The following ZNF385D variants were observed in gnomAD, a reference collection of about 807,000 sequenced individuals.
ZNF385D encodes zinc finger protein 659.
ZNF385D carries 15 observed loss-of-function variants against 35.8 expected under a neutral mutation model. The observed-to-expected ratio is 0.42, with a 90% CI of 0.28 to 0.64. The LOEUF is 0.64. ZNF385D is among the 30% of genes least tolerant of loss of function. The pLI is 0.23. For synonymous variants in ZNF385D, 212 were observed against 186.8 expected (o/e 1.13, Z -1.10); for missense variants, 474 against 494.6 (o/e 0.96, Z 0.39).
chr3:21,947,797 A>T (rs1290484919), intron 3 of ZNF385D, among the ~76,000 whole-genome samples: 1 of 151,998 alleles, frequency 6.6e-6, no homozygotes, highest in Non-Finnish European at 1.5e-5. Flanking sequence ...GGTTTCAATC[A>T]TTGGTGTTAT....
At chr3:21,712,878 G>A (rs2068167157) in intron 1 of ZNF385D, among the ~76,000 whole-genome samples, 2 of 152,134 alleles carry the variant, frequency 1.3e-5, no homozygotes, top group African/African-American at 4.8e-5. Context: ...TTTATCCCCT[G>A]AAATATTGCA....
intron 3 of ZNF385D, among the ~76,000 whole-genome samples, chr3:21,935,886 G>A (rs1460216728): frequency 6.6e-6 from 1 of 152,176 alleles, no homozygotes; most frequent in East Asian, 1.9e-4. Context: ...TTCACATCAT[G>A]TAAACAGAGT....
chr3:21,879,216 C>A (rs372885987), intron 3 of ZNF385D, among the ~76,000 whole-genome samples: 50 of 152,020 alleles, frequency 3.3e-4, no homozygotes, highest in African/African-American at 1.2e-3. Flanking sequence ...TTGTCATGTT[C>A]TTTAAGTACA....
intron 2 of ZNF385D, among the ~76,000 whole-genome samples, chr3:21,602,837 T>A (rs1489695882): frequency 6.6e-6 from 1 of 152,130 alleles, no homozygotes. Context: ...CCGGCCTCCC[T>A]GCATTTTCTA....
intron 3 of ZNF385D, among the ~76,000 whole-genome samples, chr3:22,093,152 A>G (rs1701418858): frequency 6.6e-6 from 1 of 152,070 alleles, no homozygotes; most frequent in South Asian, 2.1e-4. Context: ...GAGTTAGAAA[A>G]ACACCCTGAG....
chr3:21,844,724 A>C (rs1424758977), intron 3 of ZNF385D, among the ~76,000 whole-genome samples: 1 of 152,000 alleles, frequency 6.6e-6, no homozygotes, highest in African/African-American at 2.4e-5. Flanking sequence ...ACAATCAGCA[A>C]AATTGCACTG....
intron 3 of ZNF385D, among the ~76,000 whole-genome samples, chr3:22,069,193 T>C (rs1258879047): frequency 6.6e-6 from 1 of 152,206 alleles, no homozygotes. Flanking sequence ...TACTGGCTAC[T>C]CCCAGCTCCA....
At chr3:21,631,120 A>C (rs545190260) in intron 2 of ZNF385D, among the ~76,000 whole-genome samples, 2 of 152,228 alleles carry the variant, frequency 1.3e-5, no homozygotes, top group South Asian at 4.1e-4. Flanking sequence ...GTTGTGGGGA[A>C]CGTGAGGTAT....
chr3:22,098,607 T>C (rs1178166137), intron 3 of ZNF385D, among the ~76,000 whole-genome samples: 1 of 152,030 alleles, frequency 6.6e-6, no homozygotes, highest in Non-Finnish European at 1.5e-5. Context: ...TAGTCCACAT[T>C]TGAAGTTCCC....
At chr3:21,546,723 T>C (rs1026022964) in intron 3 of ZNF385D, among the ~76,000 whole-genome samples, 1 of 151,982 alleles carries the variant, frequency 6.6e-6, no homozygotes, top group African/African-American at 2.4e-5. Context: ...TCCTGTTTCA[T>C]GGATAAAGGC....
At chr3:21,809,637 C>A (rs1490870487) in intron 3 of ZNF385D, among the ~76,000 whole-genome samples, 1 of 135,876 alleles carries the variant, frequency 7.4e-6, no homozygotes, top group African/African-American at 2.6e-5. Context: ...CACATATATA[C>A]ACATATACAT....
At chr3:21,891,214 T>C (rs989539353) in intron 3 of ZNF385D, among the ~76,000 whole-genome samples, 7 of 152,132 alleles carry the variant, frequency 4.6e-5, no homozygotes, top group Non-Finnish European at 7.4e-5. Flanking sequence ...TATTTCGTTA[T>C]TGTTATTATT....
At chr3:21,963,586 A>G (rs1021429951) in intron 3 of ZNF385D, among the ~76,000 whole-genome samples, 5 of 152,172 alleles carry the variant, frequency 3.3e-5, no homozygotes, top group African/African-American at 1.2e-4. Context: ...TTGTAAGAAC[A>G]AGTTGTTTCA....
intron 1 of ZNF385D, among the ~76,000 whole-genome samples, chr3:21,708,311 C>T (rs779198057): frequency 5.9e-5 from 9 of 152,194 alleles, no homozygotes; most frequent in South Asian, 2.1e-4. Flanking sequence ...TTTCATGTAA[C>T]GCTTACAGCA....
intron 3 of ZNF385D, among the ~76,000 whole-genome samples, chr3:22,017,559 G>C (rs1048927436): frequency 6.6e-6 from 1 of 151,660 alleles, no homozygotes; most frequent in Non-Finnish European, 1.5e-5. Flanking sequence ...ATATTGTTTT[G>C]TGTCTTCATT....
rs138909627 is a variant in ZNF385D, at chr3:22,280,596, T to C, written c.106+91854A>G. Reference sequence around the variant, plus strand: ...TTGGCTGTAAGTATTTGGCTTTATTTCTGGGTTCTCCATTCGTCCCATTGG... The same window carrying C: ...TTGGCTGTAAGTATTTGGCTTTATTCCTGGGTTCTCCATTCGTCCCATTGG... On this transcript the variant is annotated intron_variant, in intron 2 of 5. Coordinates refer to the ZNF385D transcript ENST00000494108. 4.7e-3 allele frequency among the ~76,000 whole-genome samples: 722 copies of C among 152,230 alleles called. 12 individuals carry two copies. The highest frequency in any genetic ancestry group is 0.016 in the African/African-American group (658 of 41,576).
chr3:21,663,550 A>G (rs936302082), intron 2 of ZNF385D, among the ~76,000 whole-genome samples: 1 of 152,044 alleles, frequency 6.6e-6, no homozygotes, highest in African/African-American at 2.4e-5. Flanking sequence ...AAGGGAACCC[A>G]GGGGATTTCA....
intron 2 of ZNF385D, among the ~76,000 whole-genome samples, chr3:22,255,755 T>C (rs1202449995): frequency 2.0e-5 from 3 of 151,736 alleles, no homozygotes; most frequent in African/African-American, 7.3e-5. Flanking sequence ...TTGTATTTAT[T>C]CTCTTGAGAG....
chr3:22,180,699 A>C (rs1337079447), intron 2 of ZNF385D, among the ~76,000 whole-genome samples: 2 of 152,150 alleles, frequency 1.3e-5, no homozygotes, highest in East Asian at 3.8e-4. Flanking sequence ...TGATTATCTC[A>C]ATAGATGCAG....
Sources: allele counts gnomAD v4.1 joint callset (sites outside exome capture counted in the v4.1 genomes callset), GRCh38; gene constraint gnomAD v4.1.1; transcripts MANE v1.5; gene names NCBI Gene and HGNC (gene_info 2026-07-23, HGNC 2026-07-21).